ERAP1: variants seen among roughly 807,000 people sequenced by gnomAD.
The protein encoded by ERAP1 is adipocyte-derived leucine aminopeptidase.
Under a neutral mutation model 103.7 loss-of-function variants are expected in ERAP1, and 86 were observed. The ratio of observed to expected loss-of-function variants is 0.83; its 90% CI spans 0.70 to 0.99. The LOEUF is 0.99. Ranked by LOEUF, ERAP1 falls within the 50% of genes least tolerant of loss-of-function variation. The pLI, the probability that ERAP1 is intolerant of heterozygous loss-of-function variation, is 0.00. For synonymous variants in ERAP1, 398 were observed against 402.4 expected (o/e 0.99, Z 0.13); for missense variants, 1,009 against 1,128.4 (o/e 0.89, Z 1.52).
At chr5:96,873,324 G>C in the ERAP1 span, 1 of 456,220 alleles carries the variant, frequency 2.2e-6, no homozygotes, top group African/African-American at 2.0e-5. Context: ...AACACTGATA[G>C]GTGCTAGAAA....
At chr5:96,874,877 T>C in the ERAP1 span, among the ~76,000 whole-genome samples, 1 of 152,246 alleles carries the variant, frequency 6.6e-6, no homozygotes, top group Non-Finnish European at 1.5e-5. Flanking sequence ...TGATAAGAGC[T>C]AAGCTTGTTA....
chr5:96,935,715 GC>G, the ERAP1 span: 1 of 175,962 alleles, frequency 5.7e-6, no homozygotes, highest in East Asian at 1.5e-4. Flanking sequence ...TGGAATGTCC[GC>G]TCCTGGGACT....
chr5:96,869,194 T>C, the ERAP1 span, among the ~76,000 whole-genome samples: 1 of 151,890 alleles, frequency 6.6e-6, no homozygotes, highest in Non-Finnish European at 1.5e-5. Flanking sequence ...GCTCTGAAGA[T>C]AGAGTGACCT....
intron 3 of ERAP1, among the ~76,000 whole-genome samples, chr5:96,798,558 T>C (rs1561283128): frequency 6.8e-6 from 1 of 147,416 alleles, no homozygotes; most frequent in Non-Finnish European, 1.5e-5. Context: ...ATCCAATACT[T>C]ACCTCTATTG....
Position 96,776,291 on chromosome 5 carries a change from A to G in ERAP1, c.*105T>C. ...TAGTCAAAAAATGAGTTGAAGGGAAAAAAGTATCTCCAGTTGGAGCCAAAA... is the reference window on the plus strand; with the variant it reads ...TAGTCAAAAAATGAGTTGAAGGGAAGAAAGTATCTCCAGTTGGAGCCAAAA... On this transcript the variant is annotated 3_prime_UTR_variant, in exon 19 of 19. Coordinates refer to ENST00000443439, the MANE Select transcript of ERAP1 (RefSeq NM_001040458.3). 1.3e-6 allele frequency: 2 copies of G among 1,541,020 alleles called. No homozygotes were observed. Among genetic ancestry groups the G allele is most frequent in the Non-Finnish European group, 8.7e-7 (1 of 1,149,120 alleles).
At position 96,803,606 on chromosome 5, in the gene ERAP1, G is replaced by T; in HGVS notation, c.321C>A (p.Leu107=). 2 of 1,614,204 alleles carry T rather than the reference G, an allele frequency of 1.2e-6. No homozygotes were observed. Among genetic ancestry groups the T allele is most frequent in the Non-Finnish European group, 1.7e-6 (2 of 1,180,034 alleles). The change falls in exon 2 of 19, where the codon CTC becomes CTA. Residue 107 remains leucine (L), a synonymous_variant. Transcript: ENST00000443439. ...ATAGCCTCTCTCCAGCTCCCTTCCT[G>T]AGGGTGGCCCTAGATATCTGCAGGT... ...SHHLQISRAT[L]RKGAGERLSE... is the part of the protein sequence containing the mutation.
the ERAP1 span, among the ~76,000 whole-genome samples, chr5:96,887,582 G>A: frequency 6.6e-6 from 1 of 152,106 alleles, no homozygotes; most frequent in Non-Finnish European, 1.5e-5. Flanking sequence ...TTACAGGCGT[G>A]AGCCACCGTG....
the ERAP1 span, among the ~76,000 whole-genome samples, chr5:96,911,891 A>T: frequency 6.7e-6 from 1 of 149,128 alleles, no homozygotes; most frequent in African/African-American, 2.5e-5. Flanking sequence ...AGAAAGAAAG[A>T]AAGAAAAGAA....
the ERAP1 span, among the ~76,000 whole-genome samples, chr5:96,853,615 T>G: frequency 1.3e-5 from 2 of 151,972 alleles, no homozygotes; most frequent in African/African-American, 2.4e-5. Flanking sequence ...CCAGGAAGGG[T>G]TTTATGATGT....
At chr5:96,903,221 C>G in the ERAP1 span, among the ~76,000 whole-genome samples, 1 of 152,196 alleles carries the variant, frequency 6.6e-6, no homozygotes, top group African/African-American at 2.4e-5. Context: ...CAAAAGAAAT[C>G]ATCCAGTGAA....
At chr5:96,830,144 G>A in the ERAP1 span, among the ~76,000 whole-genome samples, 21,050 of 152,130 alleles carry the variant, frequency 0.14, 1,588 homozygotes, top group Middle Eastern at 0.24. Context: ...GAGAGCCTAT[G>A]GGACTGCATC....
At chr5:96,811,040 T>C (rs578063435), upstream of ERAP1, among the ~76,000 whole-genome samples, 4 of 152,216 alleles carry the variant, frequency 2.6e-5, no homozygotes, top group East Asian at 1.9e-4. Context: ...TCCACACACA[T>C]TGTGGTCCTT....
chr5:96,783,735 T>C (rs1410717211), intron 14 of ERAP1, among the ~76,000 whole-genome samples, 189 bp downstream of exon 14: 1 of 31,932 alleles, frequency 3.1e-5, no homozygotes, highest in Admixed American at 4.4e-4. Context: ...CTATTTTTAG[T>C]GCCAAATAAA....
chr5:96,818,893 CATTTATTTATTT>C, the ERAP1 span, among the ~76,000 whole-genome samples: 340 of 141,840 alleles, frequency 2.4e-3, 1 homozygote, highest in African/African-American at 5.6e-3. Context: ...ACCTGAACTG[CATTTATTTATTT>C]ATTTATTTAT....
the ERAP1 span, among the ~76,000 whole-genome samples, chr5:96,845,798 A>G: frequency 2.0e-5 from 3 of 152,204 alleles, no homozygotes; most frequent in East Asian, 3.8e-4. Flanking sequence ...TCTAGCTCTA[A>G]CACTCTGTGA....
At chr5:96,844,203 A>G in the ERAP1 span, among the ~76,000 whole-genome samples, 1 of 152,218 alleles carries the variant, frequency 6.6e-6, no homozygotes, top group African/African-American at 2.4e-5. Flanking sequence ...TAATTCAGTG[A>G]TATGATGACT....
At chr5:96,861,477 C>T in the ERAP1 span, among the ~76,000 whole-genome samples, 1 of 152,164 alleles carries the variant, frequency 6.6e-6, no homozygotes, top group Non-Finnish European at 1.5e-5. Context: ...AAAGATTTCA[C>T]AGGGATAGTC....
At chr5:96,900,157 T>C in the ERAP1 span, 1 of 1,613,906 alleles carries the variant, frequency 6.2e-7, no homozygotes, top group Non-Finnish European at 8.5e-7. Context: ...TGGTGGAGTT[T>C]GTCATTCGGA....
downstream of ERAP1, among the ~76,000 whole-genome samples, chr5:96,771,088 T>G (rs1772130496): frequency 6.6e-6 from 1 of 152,186 alleles, no homozygotes; most frequent in Non-Finnish European, 1.5e-5. Context: ...ATAGTCCAGT[T>G]ACACCAAAGC....
Sources: gnomAD v4.1 joint callset for allele counts (sites outside exome capture counted in the v4.1 genomes callset) on GRCh38, gnomAD v4.1.1 for gene constraint, MANE v1.5 for transcripts, NCBI Gene and HGNC (gene_info 2026-07-23, HGNC 2026-07-21) for gene names.